TAFA1: variants seen among roughly 807,000 people sequenced by gnomAD.
TAFA1 encodes the protein TAFA chemokine like family member 1.
A neutral mutation model predicts 18.5 loss-of-function variants in TAFA1; 4 were observed. The ratio of observed to expected loss-of-function variants is 0.22; its 90% CI spans 0.11 to 0.49. The LOEUF (loss-of-function observed/expected upper bound fraction) is 0.49, where lower values mean the gene tolerates loss of function less well. TAFA1 is among the 20% of genes least tolerant of loss of function. The probability of loss-of-function intolerance (pLI) is 0.98; values close to 1 mark genes in which losing one functional copy is unlikely to be tolerated. For synonymous variants in TAFA1, 56 were observed against 55.2 expected, an observed-to-expected ratio of 1.01 and a Z score of -0.06; for missense variants, 147 against 169.0, an observed-to-expected ratio of 0.87 and a Z score of 0.72.
At chr3:68,051,597 A>G (rs1039193387) in intron 2 of TAFA1, among the ~76,000 whole-genome samples, 1 of 152,160 alleles carries the variant, frequency 6.6e-6, no homozygotes, top group African/African-American at 2.4e-5. Flanking sequence ...TCGAAATGAC[A>G]TTAGTTTTCA....
chr3:68,094,901 C>G (rs1378850073), intron 2 of TAFA1, among the ~76,000 whole-genome samples: 1 of 152,138 alleles, frequency 6.6e-6, no homozygotes, highest in East Asian at 1.9e-4. Flanking sequence ...TCTATCATAA[C>G]TGGAAGTTGC....
intron 2 of TAFA1, among the ~76,000 whole-genome samples, chr3:68,288,972 G>A (rs2068064386): frequency 6.6e-6 from 1 of 152,168 alleles, no homozygotes; most frequent in Admixed American, 6.5e-5. Flanking sequence ...AGTTTCCAAG[G>A]AGGTTAGCTC....
the TAFA1 span, among the ~76,000 whole-genome samples, chr3:67,992,667 C>T: frequency 6.6e-6 from 1 of 152,148 alleles, no homozygotes. Context: ...TGTTTGTATT[C>T]CAGTAAAACT....
intron 2 of TAFA1, among the ~76,000 whole-genome samples, chr3:68,152,194 T>C (rs994924747): frequency 6.6e-6 from 1 of 152,114 alleles, no homozygotes; most frequent in Non-Finnish European, 1.5e-5. Flanking sequence ...CACAGCACTG[T>C]TTCTGAAAGT....
intron 4 of TAFA1, among the ~76,000 whole-genome samples, chr3:68,540,728 T>C (rs769620276): frequency 1.3e-5 from 2 of 152,170 alleles, no homozygotes; most frequent in Non-Finnish European, 2.9e-5. Flanking sequence ...TTTAAATATG[T>C]GAAATTCCAA....
intron 2 of TAFA1, among the ~76,000 whole-genome samples, chr3:68,021,347 C>T (rs762405064): frequency 2.0e-5 from 3 of 152,056 alleles, no homozygotes; most frequent in Non-Finnish European, 4.4e-5. Context: ...GACCCTCAGA[C>T]TGGATTATAA....
At chr3:68,067,208 A>G (rs1214629759) in intron 2 of TAFA1, among the ~76,000 whole-genome samples, 1 of 152,132 alleles carries the variant, frequency 6.6e-6, no homozygotes, top group African/African-American at 2.4e-5. Flanking sequence ...CCTTGTTTTG[A>G]ATTCCATGGC....
At chr3:68,375,577 C>T (rs924723190) in intron 2 of TAFA1, among the ~76,000 whole-genome samples, 3 of 152,154 alleles carry the variant, frequency 2.0e-5, no homozygotes, top group Admixed American at 1.3e-4. Flanking sequence ...ATCAGATTAA[C>T]TTATAGATGA....
intron 1 of TAFA1, 187 bp from the exon 2 acceptor site, chr3:68,006,437 A>G: frequency 3.6e-6 from 2 of 549,486 alleles, no homozygotes; most frequent in African/African-American, 1.9e-5. Flanking sequence ...AAATGAATGT[A>G]TGATCATCTG....
At chr3:68,539,659 C>T (rs114856090) in intron 4 of TAFA1, among the ~76,000 whole-genome samples, 1,471 of 61,208 alleles carry the variant, frequency 0.024, 61 homozygotes, top group African/African-American at 0.084. Context: ...CTCTCTTTGT[C>T]TCTCTCTGTG....
At chr3:68,041,644 TG>T (rs1161767864) in intron 2 of TAFA1, among the ~76,000 whole-genome samples, 5 of 152,220 alleles carry the variant, frequency 3.3e-5, no homozygotes, top group African/African-American at 7.2e-5. Flanking sequence ...TGCTAGGTGC[TG>T]GAGCTGTGTG....
intron 2 of TAFA1, among the ~76,000 whole-genome samples, chr3:68,230,266 C>A (rs2066855870): frequency 6.6e-6 from 1 of 151,932 alleles, no homozygotes; most frequent in African/African-American, 2.4e-5. Context: ...TCCCCCCCTG[C>A]AACCCCCCAA....
intron 3 of TAFA1, among the ~76,000 whole-genome samples, chr3:68,421,373 G>A (rs774997476): frequency 6.6e-6 from 1 of 152,130 alleles, no homozygotes; most frequent in Non-Finnish European, 1.5e-5. Context: ...CCATTGGCAT[G>A]TATGGGCAAG....
chr3:68,032,809 G>T (rs1704965733), intron 2 of TAFA1, among the ~76,000 whole-genome samples: 1 of 152,084 alleles, frequency 6.6e-6, no homozygotes, highest in Non-Finnish European at 1.5e-5. Flanking sequence ...ATCTTCCTTA[G>T]GACCTACAGA....
intron 2 of TAFA1, among the ~76,000 whole-genome samples, chr3:68,334,826 G>T (rs1458457287): frequency 1.3e-5 from 2 of 152,162 alleles, no homozygotes; most frequent in East Asian, 1.9e-4. Flanking sequence ...GCTGTTTGTT[G>T]TATCTTCTGA....
At chr3:68,209,074 C>CA (rs981615165) in intron 2 of TAFA1, among the ~76,000 whole-genome samples, 5 of 151,646 alleles carry the variant, frequency 3.3e-5, no homozygotes, top group Non-Finnish European at 5.9e-5. Flanking sequence ...CAATGACTAG[C>CA]AAAAAAATGG....
intron 2 of TAFA1, among the ~76,000 whole-genome samples, chr3:68,344,881 C>T (rs192328885): frequency 6.6e-6 from 1 of 152,126 alleles, no homozygotes; most frequent in Non-Finnish European, 1.5e-5. Context: ...GAGTGAAGCT[C>T]TCTACCAGCC....
chr3:68,108,249 C>G (rs1296178463), intron 2 of TAFA1, among the ~76,000 whole-genome samples: 1 of 152,082 alleles, frequency 6.6e-6, no homozygotes, highest in African/African-American at 2.4e-5. Context: ...TAGATAAGAG[C>G]TGTGAGAGCT....
intron 3 of TAFA1, among the ~76,000 whole-genome samples, chr3:68,534,581 T>G (rs749605713): frequency 5.3e-5 from 8 of 152,188 alleles, no homozygotes; most frequent in Non-Finnish European, 8.8e-5. Flanking sequence ...CATCCAACTC[T>G]ATTTAGAAGA....
Sources: gnomAD v4.1 joint callset for allele counts (sites outside exome capture counted in the v4.1 genomes callset) on GRCh38, gnomAD v4.1.1 for gene constraint, MANE v1.5 for transcripts, NCBI Gene and HGNC (gene_info 2026-07-23, HGNC 2026-07-21) for gene names.